TMEM169: variants seen among roughly 807,000 people sequenced by gnomAD.
The protein encoded by TMEM169 is transmembrane protein 169.
In TMEM169, 18 loss-of-function variants were observed where a neutral mutation model predicts 27.3. The observed-to-expected ratio is 0.66, with a 90% CI of 0.46 to 0.98. TMEM169 has a LOEUF of 0.98. Among genes scored for constraint, TMEM169 ranks in the 50% least tolerant of loss-of-function variants. The pLI is 0.00. For missense variants in TMEM169, 320 were observed against 368.6 expected, an observed-to-expected ratio of 0.87 and a Z score of 1.08; for synonymous variants, 136 against 142.1, an observed-to-expected ratio of 0.96 and a Z score of 0.30.
Position 216,099,954 on chromosome 2 carries a change from C to A in TMEM169, c.306C>A (p.Val102=). ...ACCTGCCTCTGGACAGCCGCTACGT[C>A]ACCTTAACTGGGACCATCACACGAG... The part of the protein sequence containing the change: ...MWNLPLDSRY[V]TLTGTITRGK... Residue 102 remains valine, a synonymous_variant, in exon 3 of 3, where the codon GTC becomes GTA. Transcript: ENST00000437356. This position sits in a 1 kb window ranked among gnomAD's most constrained non-coding sequence, Gnocchi z 5.0. The A allele has an allele frequency of 6.2e-7, 1 of 1,613,958 alleles. No individual in the cohort carries two copies.
In TMEM169 at chr2:216,096,162, G is replaced by T; in HGVS notation, c.199G>T (p.Gly67Ter). 1 of 1,614,134 alleles carries T rather than the reference G, an allele frequency of 6.2e-7. No individual in the cohort carries two copies. The highest frequency in any genetic ancestry group is 2.2e-5 in the East Asian group (1 of 44,886). Residue 67 changes from glycine (G) to a stop codon, truncating the protein, a stop_gained, in exon 2 of 3, where the codon GGA becomes TGA. Coordinates refer to ENST00000437356, the MANE Select transcript of TMEM169 (RefSeq NM_001142311.2). LOFTEE classifies it high-confidence loss of function. The part of the protein sequence containing the change: ...SDNEKTDEEP[G>*]ESEGGDQPKE... The stretch of plus-strand genomic sequence containing the variant: ...CAATGAGAAAACAGATGAGGAGCCC[G>T]GAGAATCAGAAGGTGGAGATCAGCC...
At chr2:216,096,728 A>G (rs547020064) in intron 2 of TMEM169, among the ~76,000 whole-genome samples, 1 of 152,204 alleles carries the variant, frequency 6.6e-6, no homozygotes, top group Admixed American at 6.5e-5. Context: ...ATTTTTTTCT[A>G]GATGATACAG....
intron 1 of TMEM169, among the ~76,000 whole-genome samples, chr2:216,092,644 A>G (rs1696159687): frequency 6.6e-6 from 1 of 152,204 alleles, no homozygotes; most frequent in African/African-American, 2.4e-5. Context: ...ACATCTTGGT[A>G]CATCTTTAAA....
intron 2 of TMEM169, among the ~76,000 whole-genome samples, chr2:216,097,433 C>T (rs1696288441): frequency 6.6e-6 from 1 of 152,066 alleles, no homozygotes; most frequent in Admixed American, 6.6e-5. Context: ...TGCCTGAGGT[C>T]CCAGCTACTT....
chr2:216,086,005 A>G (rs1695986494), intron 1 of TMEM169, among the ~76,000 whole-genome samples: 1 of 152,174 alleles, frequency 6.6e-6, no homozygotes, highest in South Asian at 2.1e-4. Context: ...TCCTACAATG[A>G]CCAAGAGTAC....
chr2:216,100,061 CA>C lies in TMEM169; in HGVS notation c.414del (p.Ser139GlnfsTer27), dbSNP rs764328848. Reference protein sequence around the residue: ...ELQELTKPKESSRETTPEGRM... With the variant: ...ELQELTKPKEXSRETTPEGRM... ...CAGGAACTGACCAAACCTAAAGAGTCATCAAGGGAAACGACGCCTGAAGGAA... is the reference window on the plus strand; with the variant it reads ...CAGGAACTGACCAAACCTAAAGAGTCTCAAGGGAAACGACGCCTGAAGGAA... On this transcript the variant is annotated frameshift_variant, in exon 3 of 3. Coordinates refer to ENST00000437356, the MANE Select transcript of TMEM169 (RefSeq NM_001142311.2). LOFTEE classifies it high-confidence loss of function. The C allele has an allele frequency of 1.9e-6, 3 of 1,614,156 alleles. No homozygotes were observed. Among genetic ancestry groups the C allele is most frequent in the Non-Finnish European group, 2.5e-6 (3 of 1,180,028 alleles).
intron 1 of TMEM169, among the ~76,000 whole-genome samples, chr2:216,092,735 C>T (rs1298271225): frequency 6.6e-6 from 1 of 152,176 alleles, no homozygotes; most frequent in East Asian, 1.9e-4. Flanking sequence ...GTCTCAACCC[C>T]TAGTTTGAAA....
rs1344658494 is a variant in TMEM169 at position 216,099,432 on chromosome 2, G to A, written c.272-488G>A. 1.3e-5 allele frequency among the ~76,000 whole-genome samples: 2 copies of A among 151,864 alleles called. No homozygotes were observed. Among genetic ancestry groups the A allele is most frequent in the African/African-American group, 4.8e-5 (2 of 41,290 alleles). On this transcript the variant is annotated intron_variant, in intron 2 of 2. Transcript: ENST00000437356. The surrounding 1 kb of genome is among the most constrained non-coding windows in gnomAD (Gnocchi z 5.0). Reference sequence around the variant, plus strand: ...TGGGATGCATGTGTGTATGCGTGCAGCCCCTGGATGTGAGGGCTGGATCAG... The same window carrying A: ...TGGGATGCATGTGTGTATGCGTGCAACCCCTGGATGTGAGGGCTGGATCAG...
At chr2:216,094,177 G>A (rs1340184648) in intron 1 of TMEM169, among the ~76,000 whole-genome samples, 13 of 152,314 alleles carry the variant, frequency 8.5e-5, no homozygotes, top group Admixed American at 5.2e-4. Context: ...GTACAGCCTC[G>A]AGGAGTGTGG....
rs759410948 is a variant in TMEM169, at chr2:216,099,994, C to T, written c.346C>T (p.Gln116Ter). The change falls in exon 3 of 3, where the codon CAG (glutamine) becomes TAG (stop). Residue 116 changes from glutamine to a stop codon, truncating the protein, a stop_gained. Coordinates refer to ENST00000437356, the MANE Select transcript of TMEM169 (RefSeq NM_001142311.2). LOFTEE classifies it high-confidence loss of function. The surrounding 1 kb of genome is among the most constrained non-coding windows in gnomAD (Gnocchi z 5.0). ...GTITRGKKKGQMVDIHVTLTE... is the reference protein window; with the variant it reads ...GTITRGKKKG The stretch of plus-strand genomic sequence containing the variant: ...CATCACACGAGGGAAGAAAAAGGGT[C>T]AGATGGTGGACATCCATGTCACATT... The T allele has an allele frequency of 1.2e-6, 2 of 1,614,040 alleles. No individual in the cohort carries two copies. The highest frequency in any genetic ancestry group is 1.3e-5 in the African/African-American group (1 of 74,906).
intron 1 of TMEM169, among the ~76,000 whole-genome samples, chr2:216,090,835 C>T (rs981658176): frequency 1.3e-5 from 2 of 152,220 alleles, no homozygotes; most frequent in Admixed American, 6.5e-5. Context: ...TGTACTGTGA[C>T]ATCTGATATA....
At position 216,096,174 on chromosome 2, in the gene TMEM169, G is replaced by A; in HGVS notation, c.211G>A (p.Gly71Ser). 6.2e-7 allele frequency: 1 copy of A among 1,614,152 alleles called. No individual in the cohort carries two copies. The highest frequency in any genetic ancestry group is 8.5e-7 in the Non-Finnish European group (1 of 1,180,022). Residue 71 changes from glycine (G) to serine (S), a missense_variant, in exon 2 of 3, where the codon GGT becomes AGT. Gly to Ser is a moderately conservative substitution (Grantham distance 56). Transcript: ENST00000437356. ...AGATGAGGAGCCCGGAGAATCAGAA[G>A]GTGGAGATCAGCCTAAAGAGGAGGA... ...KTDEEPGESE[G>S]GDQPKEEEGD...
At chr2:216,088,545 A>G (rs913502691) in intron 1 of TMEM169, among the ~76,000 whole-genome samples, 1 of 152,110 alleles carries the variant, frequency 6.6e-6, no homozygotes, top group Admixed American at 6.5e-5. Context: ...CTTAATAAAT[A>G]TTTACTGAAG....
rs779968539 is a variant in TMEM169, at chr2:216,100,352, C to T, written c.704C>T (p.Ser235Leu). The T allele has an allele frequency of 6.2e-6, 10 of 1,613,982 alleles. No individual in the cohort carries two copies. Among genetic ancestry groups the T allele is most frequent in the African/African-American group, 5.3e-5 (4 of 74,970 alleles). The change falls in exon 3 of 3, where the codon TCG becomes TTG. Residue 235 changes from serine to leucine, a missense_variant. Physicochemically the swap from Ser to Leu is moderately radical, Grantham distance 145. Coordinates refer to ENST00000437356, the MANE Select transcript of TMEM169 (RefSeq NM_001142311.2). ...CTCTACGCTGCTGTGGTCCAGCTCT[C>T]GTGGTCCTGGGAAGCATGGTGGCAA... ...LGLYAAVVQLSWSWEAWWQAA... is the reference protein window; with the variant it reads ...LGLYAAVVQLLWSWEAWWQAA...
Position 216,101,241 on chromosome 2 carries a change from C to G in TMEM169, c.*699C>G, listed in dbSNP as rs1225902341. 6.5e-6 allele frequency: 1 copy of G among 153,470 alleles called. No individual in the cohort carries two copies. The highest frequency in any genetic ancestry group is 2.4e-5 in the African/African-American group (1 of 41,430). The allele number at this position is 153,470 out of a possible 1,614,324, so 9.5% of individuals were successfully genotyped here. A position where few individuals can be genotyped will look rare whatever the true frequency, so the allele number is the denominator to read the frequency against. The stretch of plus-strand genomic sequence containing the variant: ...ATCTTCAGCCATCACATCCATGTTT[C>G]TGATAAAATAGAGGAAAGGGCAGAG... On this transcript the variant is annotated 3_prime_UTR_variant, in exon 3 of 3. Transcript: ENST00000437356.
intron 1 of TMEM169, among the ~76,000 whole-genome samples, chr2:216,085,110 C>T (rs1443865253): frequency 1.3e-5 from 2 of 152,220 alleles, no homozygotes; most frequent in Non-Finnish European, 2.9e-5. Flanking sequence ...CTGCCTCAGC[C>T]TTCCGAGAAG....
intron 1 of TMEM169, among the ~76,000 whole-genome samples, chr2:216,086,170 T>G (rs1695993023): frequency 1.3e-5 from 2 of 152,058 alleles, no homozygotes; most frequent in South Asian, 2.1e-4. Flanking sequence ...GTTCAAGCGA[T>G]TCTCCTACCT....
intron 1 of TMEM169, among the ~76,000 whole-genome samples, chr2:216,087,860 A>G (rs1290126870): frequency 6.6e-6 from 1 of 152,208 alleles, no homozygotes; most frequent in East Asian, 1.9e-4. Context: ...TACTTGCTTC[A>G]TAAAATTGTT....
chr2:216,086,108 C>T (rs915296856), intron 1 of TMEM169, among the ~76,000 whole-genome samples: 3 of 151,796 alleles, frequency 2.0e-5, no homozygotes, highest in African/African-American at 4.8e-5. Context: ...TCTGTTGCCC[C>T]GGCTGGAGTG....
Sources: allele counts gnomAD v4.1 joint callset (sites outside exome capture counted in the v4.1 genomes callset), GRCh38; gene constraint gnomAD v4.1.1; non-coding constraint Gnocchi (gnomAD v3.1); transcripts MANE v1.5; gene names NCBI Gene and HGNC (gene_info 2026-07-23, HGNC 2026-07-21).